LHFPL3: variants seen among roughly 807,000 people sequenced by gnomAD.
LHFPL3 encodes LHFPL tetraspan subfamily member 3, also known as LHFPL tetraspan subfamily member 3 protein.
LHFPL3 carries 5 observed loss-of-function variants against 19.3 expected under a neutral mutation model. The ratio of observed to expected loss-of-function variants is 0.26; its 90% CI spans 0.14 to 0.54. The LOEUF (loss-of-function observed/expected upper bound fraction) is 0.54, where lower values mean the gene tolerates loss of function less well. LHFPL3 is among the 20% of genes least tolerant of loss of function. LHFPL3 has a pLI of 0.94. For missense variants in LHFPL3, 249 were observed against 307.4 expected (o/e 0.81, Z 1.42); for synonymous variants, 133 against 126.2 (o/e 1.05, Z -0.36).
At chr7:104,395,022 C>T (rs73403844) in intron 1 of LHFPL3, among the ~76,000 whole-genome samples, 2 of 151,910 alleles carry the variant, frequency 1.3e-5, no homozygotes, top group African/African-American at 4.8e-5. Flanking sequence ...TTCTAAGAAC[C>T]CAAGCTACCG....
chr7:104,888,154 C>T (rs896671487), intron 2 of LHFPL3, among the ~76,000 whole-genome samples: 4 of 152,182 alleles, frequency 2.6e-5, no homozygotes, highest in East Asian at 1.9e-4. Flanking sequence ...ATTAGAGACA[C>T]TGCATTAATT....
chr7:104,436,731 C>T (rs1792113985), intron 1 of LHFPL3, among the ~76,000 whole-genome samples: 1 of 152,158 alleles, frequency 6.6e-6, no homozygotes, highest in Non-Finnish European at 1.5e-5. Flanking sequence ...ACTTTTTGCC[C>T]ATGCATTATT....
chr7:104,667,940 G>A lies in LHFPL3; in HGVS notation c.446-68735G>A, dbSNP rs1792388882. The stretch of plus-strand genomic sequence containing the variant: ...ACAGTAACGATGACGATGTGTACAG[G>A]GCGCCTCCAATTGACCGTTCCATCC... On this transcript the variant is annotated intron_variant, in intron 1 of 2. Coordinates refer to ENST00000424859, the MANE Select transcript of LHFPL3 (RefSeq NM_199000.3). The A allele has an allele frequency of 6.2e-6, 10 of 1,613,328 alleles. No homozygotes were observed. In the East Asian group the frequency reaches 8.9e-5, roughly 14 times the overall value.
rs77849025 is a variant in LHFPL3 at position 104,335,214 on chromosome 7, C to A, written c.445+5990C>A. Among the ~76,000 whole-genome samples, 1,102 of 152,204 alleles carry A rather than the reference C, an allele frequency of 7.2e-3. 78 individuals are homozygous for A. In the East Asian group the frequency reaches 0.17, roughly 24 times the overall value. ...GCAGTGTGAAAAAGTGAGCTCTTGC[C>A]CCAAAATGCTGCTTATGCATCCTGA... On this transcript the variant is annotated intron_variant, in intron 1 of 2. Transcript: ENST00000424859.
chr7:104,669,633 C>T (rs1792432979), intron 1 of LHFPL3: 1 of 1,384,502 alleles, frequency 7.2e-7, no homozygotes, highest in Admixed American at 1.8e-5. Flanking sequence ...CATTCGAGAG[C>T]AAATCAAAAC....
intron 1 of LHFPL3, among the ~76,000 whole-genome samples, chr7:104,463,078 C>T (rs1324988556): frequency 6.6e-6 from 1 of 151,988 alleles, no homozygotes; most frequent in Non-Finnish European, 1.5e-5. Flanking sequence ...TGGGGTCAAT[C>T]GGGATAATAT....
chr7:104,454,400 G>T (rs1792501555), intron 1 of LHFPL3, among the ~76,000 whole-genome samples: 1 of 152,130 alleles, frequency 6.6e-6, no homozygotes, highest in African/African-American at 2.4e-5. Flanking sequence ...TGAGAAATGG[G>T]TATTATTGTT....
chr7:104,768,346 A>G (rs192619242), intron 2 of LHFPL3, among the ~76,000 whole-genome samples: 1 of 152,092 alleles, frequency 6.6e-6, no homozygotes, highest in East Asian at 1.9e-4. Flanking sequence ...GCAACGTATC[A>G]TTGGCCTTTT....
chr7:104,550,110 G>A (rs752514070), intron 1 of LHFPL3, among the ~76,000 whole-genome samples: 1 of 152,120 alleles, frequency 6.6e-6, no homozygotes, highest in African/African-American at 2.4e-5. Context: ...GTGGCCTACT[G>A]CAGAAACCCT....
intron 2 of LHFPL3, among the ~76,000 whole-genome samples, chr7:104,797,705 A>G (rs2470958): frequency 0.7 from 105,932 of 150,692 alleles, 37,433 homozygotes; most frequent in East Asian, 0.95. Context: ...CTTGAGCTCA[A>G]GAGTTAGAGA....
chr7:104,505,281 C>G (rs981485452), intron 1 of LHFPL3, among the ~76,000 whole-genome samples: 3 of 152,190 alleles, frequency 2.0e-5, no homozygotes, highest in Non-Finnish European at 4.4e-5. Flanking sequence ...CAGGGGTAAA[C>G]ATTTTACCTG....
chr7:104,748,224 G>A (rs4831084), intron 2 of LHFPL3, among the ~76,000 whole-genome samples: 1,794 of 151,780 alleles, frequency 0.012, 30 homozygotes, highest in East Asian at 0.053. Context: ...GCGGAAGGCC[G>A]CAGGGACCTC....
chr7:104,723,587 C>T (rs1007111510), intron 1 of LHFPL3, among the ~76,000 whole-genome samples: 7 of 151,400 alleles, frequency 4.6e-5, no homozygotes, highest in Admixed American at 2.6e-4. Flanking sequence ...TTGGGTGTGG[C>T]GGTGGGCACC....
At chr7:104,372,229 G>A (rs1460529278) in intron 1 of LHFPL3, among the ~76,000 whole-genome samples, 2 of 152,188 alleles carry the variant, frequency 1.3e-5, no homozygotes, top group Non-Finnish European at 2.9e-5. Context: ...AGGTAATGAG[G>A]AAACTACTTT....
At chr7:104,779,913 G>GT (rs1215312406) in intron 2 of LHFPL3, among the ~76,000 whole-genome samples, 1 of 152,006 alleles carries the variant, frequency 6.6e-6, no homozygotes, top group African/African-American at 2.4e-5. Context: ...AAATTAGTGG[G>GT]GTTTTTTTTT....
chr7:104,856,649 T>G (rs1209119152), intron 2 of LHFPL3, among the ~76,000 whole-genome samples: 1 of 152,230 alleles, frequency 6.6e-6, no homozygotes, highest in Non-Finnish European at 1.5e-5. Flanking sequence ...TTATTAAATC[T>G]AAGGATCCAA....
rs147379566 is a variant in LHFPL3 at position 104,813,920 on chromosome 7, G to A, written c.682+77009G>A. On this transcript the variant is annotated intron_variant, in intron 2 of 2. Coordinates refer to ENST00000424859, the MANE Select transcript of LHFPL3 (RefSeq NM_199000.3). ...AGCTCTTCTTTCCTTCTCTTCACCC[G>A]CAACATAGGAAGCAAGAGGCATGTC... Among the ~76,000 whole-genome samples, 206 of 152,294 alleles carry A rather than the reference G, an allele frequency of 1.4e-3. 2 individuals carry two copies. Among genetic ancestry groups the A allele is most frequent in the Admixed American group, 6.1e-3 (94 of 15,300 alleles).
intron 1 of LHFPL3, among the ~76,000 whole-genome samples, chr7:104,533,182 T>C (rs1294913555): frequency 6.6e-6 from 1 of 152,210 alleles, no homozygotes; most frequent in Non-Finnish European, 1.5e-5. Flanking sequence ...CTAATGGACA[T>C]TACCTTGACC....
In LHFPL3 at chr7:104,906,416, A is replaced by T; in HGVS notation, c.*201A>T. 2 of 608,226 alleles carry T rather than the reference A, an allele frequency of 3.3e-6. No homozygotes were observed. The highest frequency in any genetic ancestry group is 5.6e-6 in the Non-Finnish European group (2 of 355,828). The allele number at this position is 608,226 out of a possible 1,614,324, so 37.7% of individuals were successfully genotyped here. On this transcript the variant is annotated 3_prime_UTR_variant, in exon 3 of 3. Coordinates refer to ENST00000424859, the MANE Select transcript of LHFPL3 (RefSeq NM_199000.3). ...AGCAGAGATGGGAGTGATTTTCTGGAAAGAGATGTGATCATGGATTAAACA... is the reference window on the plus strand; with the variant it reads ...AGCAGAGATGGGAGTGATTTTCTGGTAAGAGATGTGATCATGGATTAAACA...
Sources: allele counts gnomAD v4.1 joint callset (sites outside exome capture counted in the v4.1 genomes callset), GRCh38; gene constraint gnomAD v4.1.1; transcripts MANE v1.5; gene names NCBI Gene and HGNC (gene_info 2026-07-23, HGNC 2026-07-21).